Variants in ABCD3 observed in about 807,000 individuals in gnomAD.
ABCD3 encodes ATP binding cassette subfamily D member 3, also known as ATP-binding cassette sub-family D member 3.
A neutral mutation model predicts 105.5 loss-of-function variants in ABCD3; 41 were observed. The ratio of observed to expected loss-of-function variants is 0.39; its 90% CI spans 0.30 to 0.50. The LOEUF (loss-of-function observed/expected upper bound fraction) is 0.50. Ranked by LOEUF, ABCD3 falls within the 20% of genes least tolerant of loss-of-function variation. ABCD3 has a pLI of 0.84. For missense variants in ABCD3, 622 were observed against 806.3 expected (o/e 0.77, Z 2.77); for synonymous variants, 258 against 269.0 (o/e 0.96, Z 0.40).
intron 2 of ABCD3, among the ~76,000 whole-genome samples, chr1:94,461,253 G>C (rs367773634): frequency 6.8e-4 from 104 of 152,080 alleles, no homozygotes; most frequent in African/African-American, 2.0e-3. Context: ...GCAACTTAAC[G>C]TATTTTTTTG....
At chr1:94,446,836 TG>T (rs1660367277) in intron 1 of ABCD3, among the ~76,000 whole-genome samples, 2 of 152,220 alleles carry the variant, frequency 1.3e-5, no homozygotes, top group African/African-American at 4.8e-5. Context: ...ATGAAGGACC[TG>T]ATGGACAACC....
chr1:94,510,344 G>A (rs1650597057), intron 21 of ABCD3, among the ~76,000 whole-genome samples: 1 of 152,112 alleles, frequency 6.6e-6, no homozygotes, highest in Admixed American at 6.6e-5. Flanking sequence ...ATTGCACTGT[G>A]GTCTGAGAGA....
chr1:94,480,756 A>G (rs1648991101), intron 9 of ABCD3, 150 bp downstream of exon 9: 3 of 855,494 alleles, frequency 3.5e-6, no homozygotes, highest in South Asian at 1.6e-5. Context: ...GACTAGTTTT[A>G]TAAAGTAGTA....
intron 1 of ABCD3, among the ~76,000 whole-genome samples, chr1:94,423,646 C>T (rs1659353666): frequency 1.3e-5 from 2 of 152,100 alleles, no homozygotes; most frequent in African/African-American, 4.8e-5. Context: ...GATTATATCC[C>T]AGCATAGTGA....
chr1:94,483,409 TAA>T (rs1297616982), intron 10 of ABCD3, among the ~76,000 whole-genome samples, 170 bp downstream of exon 10: 1 of 152,118 alleles, frequency 6.6e-6, no homozygotes, highest in East Asian at 1.9e-4. Flanking sequence ...GCATTTTTAA[TAA>T]AAAATATGAG....
Position 94,499,015 on chromosome 1 carries a change from G to A in ABCD3, c.1601G>A (p.Arg534Lys), listed in dbSNP as rs1205114676. The change falls in exon 19 of 23, where the codon AGG becomes AAG. Residue 534 changes from arginine to lysine, a missense_variant. Transcript: ENST00000370214. ...IYPDGREDQK[R>K]KGISDLVLKE... The stretch of plus-strand genomic sequence containing the variant: ...CCAGATGGACGAGAAGATCAGAAAA[G>A]GAAGGGAATTTCTGACCTAGTAAGG... The A allele has an allele frequency of 6.2e-7, 1 of 1,613,654 alleles. No individual in the cohort carries two copies. Among genetic ancestry groups the A allele is most frequent in the East Asian group, 2.2e-5 (1 of 44,834 alleles).
chr1:94,407,479 G>A, the ABCD3 span, among the ~76,000 whole-genome samples: 3 of 152,074 alleles, frequency 2.0e-5, no homozygotes, highest in African/African-American at 7.2e-5. Context: ...TGTGTTTCAG[G>A]AATGTTTTGT....
chr1:94,437,286 T>C (rs992267267), intron 1 of ABCD3, among the ~76,000 whole-genome samples: 1 of 152,186 alleles, frequency 6.6e-6, no homozygotes, highest in Non-Finnish European at 1.5e-5. Context: ...GATAAGTAAA[T>C]GCCTTGCTTC....
intron 1 of ABCD3, among the ~76,000 whole-genome samples, chr1:94,453,645 A>G (rs1264406039): frequency 6.6e-6 from 1 of 151,360 alleles, no homozygotes; most frequent in Non-Finnish European, 1.5e-5. Flanking sequence ...TAGAAAATTA[A>G]CCATTTCATT....
At chr1:94,392,806 A>T in the ABCD3 span, among the ~76,000 whole-genome samples, 6 of 152,138 alleles carry the variant, frequency 3.9e-5, no homozygotes, top group African/African-American at 7.2e-5. Context: ...TAAAGAAAAG[A>T]GTCTGTCTAG....
At chr1:94,419,675 A>G (rs1165871447) in intron 1 of ABCD3, among the ~76,000 whole-genome samples, 2 of 152,132 alleles carry the variant, frequency 1.3e-5, no homozygotes, top group African/African-American at 4.8e-5. Context: ...AATTTGGGCT[A>G]AAACACAAAT....
intron 21 of ABCD3, among the ~76,000 whole-genome samples, chr1:94,512,244 T>G (rs1488664446): frequency 6.6e-6 from 1 of 152,034 alleles, no homozygotes; most frequent in Non-Finnish European, 1.5e-5. Flanking sequence ...CTTCTCTTCT[T>G]TCCTCCCTTT....
chr1:94,433,554 A>G (rs1289818295), intron 1 of ABCD3, among the ~76,000 whole-genome samples: 5 of 151,516 alleles, frequency 3.3e-5, no homozygotes, highest in Admixed American at 6.6e-5. Flanking sequence ...GGTATAGTCT[A>G]TTGCTCCTAG....
the ABCD3 span, among the ~76,000 whole-genome samples, chr1:94,396,619 G>A: frequency 7.9e-5 from 12 of 152,110 alleles, no homozygotes; most frequent in Middle Eastern, 3.4e-3. Flanking sequence ...GTGCGCGCGC[G>A]CACGTGCGTG....
chr1:94,394,324 C>T, the ABCD3 span, among the ~76,000 whole-genome samples: 1 of 152,160 alleles, frequency 6.6e-6, no homozygotes, highest in Non-Finnish European at 1.5e-5. Context: ...GGAGAGTTGA[C>T]ATAGCCCTGT....
chr1:94,438,095 T>G (rs1264360403), intron 1 of ABCD3, among the ~76,000 whole-genome samples: 1 of 152,026 alleles, frequency 6.6e-6, no homozygotes, highest in Non-Finnish European at 1.5e-5. Flanking sequence ...GAGACCATCC[T>G]GGCCAACATG....
At position 94,427,190 on chromosome 1, in the gene ABCD3, T is replaced by C. The variant is rs962092161; in HGVS notation, c.110+8602T>C. ...TGCATACTGGGCCAGAGTCCTCTTT[T>C]GGGATGTTTCTGCTGGAGCTGGTGT... is the stretch of plus-strand genomic sequence containing the variant. On this transcript the variant is annotated intron_variant, in intron 1 of 22. Transcript: ENST00000370214. Among the ~76,000 whole-genome samples, 6 of 152,272 alleles carry C rather than the reference T, an allele frequency of 3.9e-5. No individual in the cohort carries two copies. The South Asian group carries it at 1.0e-3, about 26-fold the overall frequency.
intron 1 of ABCD3, among the ~76,000 whole-genome samples, chr1:94,426,717 G>T (rs1242159984): frequency 6.6e-6 from 1 of 151,786 alleles, no homozygotes; most frequent in Admixed American, 6.6e-5. Context: ...TAATTTTTTT[G>T]TATTTTTAGG....
rs185819287 is a variant in ABCD3, at chr1:94,448,447, T to C, written c.111-10160T>C. On this transcript the variant is annotated intron_variant, in intron 1 of 22. Coordinates refer to ENST00000370214, the MANE Select transcript of ABCD3 (RefSeq NM_002858.4). ...TTAAACCAATTGAAGTTGCTGAGAA[T>C]GTTTTTACAGATGGGTCTAGTAACG... Among the ~76,000 whole-genome samples the C allele has an allele frequency of 2.5e-4, 38 of 152,384 alleles. No individual in the cohort carries two copies. The East Asian group carries it at 6.7e-3, about 27-fold the overall frequency.
Sources: allele counts gnomAD v4.1 joint callset (sites outside exome capture counted in the v4.1 genomes callset), GRCh38; gene constraint gnomAD v4.1.1; transcripts MANE v1.5; gene names NCBI Gene and HGNC (gene_info 2026-07-23, HGNC 2026-07-21).